DIAPH3: variants seen among roughly 807,000 people sequenced by gnomAD.
DIAPH3 encodes diaphanous related formin 3, also known as protein diaphanous homolog 3.
In DIAPH3, 117 loss-of-function variants were observed where a neutral mutation model predicts 144.3. That is an observed-to-expected ratio of 0.81 (90% CI 0.70 to 0.95). The LOEUF is 0.95. Ranked by LOEUF, DIAPH3 falls within the 40% of genes least tolerant of loss-of-function variation. DIAPH3 has a pLI of 0.00. For synonymous variants in DIAPH3, 519 were observed against 488.9 expected, an observed-to-expected ratio of 1.06 and a Z score of -0.81; for missense variants, 1,421 against 1,412.7, an observed-to-expected ratio of 1.01 and a Z score of -0.09.
intron 1 of DIAPH3, among the ~76,000 whole-genome samples, chr13:60,135,300 A>T (rs1270546212): frequency 6.7e-6 from 1 of 149,678 alleles, no homozygotes; most frequent in African/African-American, 2.5e-5. Flanking sequence ...CATTGAGGGT[A>T]TAGCTTTTTA....
intron 2 of DIAPH3, among the ~76,000 whole-genome samples, chr13:60,130,421 C>G (rs2059109464): frequency 6.6e-6 from 1 of 152,142 alleles, no homozygotes; most frequent in Non-Finnish European, 1.5e-5. Context: ...TGAAGAGGGT[C>G]AATGAGGAAT....
At chr13:60,088,624 T>C (rs1397326779) in intron 4 of DIAPH3, among the ~76,000 whole-genome samples, 1 of 152,162 alleles carries the variant, frequency 6.6e-6, no homozygotes, top group Non-Finnish European at 1.5e-5. Flanking sequence ...ATGTTTATTT[T>C]TGAGGGGCGG....
intron 17 of DIAPH3, among the ~76,000 whole-genome samples, chr13:59,925,601 AT>A (rs2047715741): frequency 6.6e-6 from 1 of 152,084 alleles, no homozygotes; most frequent in Non-Finnish European, 1.5e-5. Context: ...TCCTCTTCAT[AT>A]TTTTGGAATA....
At chr13:59,936,902 G>A (rs548200458) in intron 17 of DIAPH3, among the ~76,000 whole-genome samples, 27 of 152,152 alleles carry the variant, frequency 1.8e-4, no homozygotes, top group African/African-American at 4.8e-4. Context: ...GGTGGCTCAC[G>A]CCTATAATCC....
intron 4 of DIAPH3, among the ~76,000 whole-genome samples, chr13:60,068,503 C>G (rs1271462383): frequency 1.3e-5 from 2 of 151,280 alleles, no homozygotes; most frequent in Non-Finnish European, 2.9e-5. Context: ...TTTTTTTATT[C>G]CAACATTTAT....
chr13:60,095,255 TAGAA>T, intron 3 of DIAPH3, among the ~76,000 whole-genome samples: 2 of 152,308 alleles, frequency 1.3e-5, no homozygotes, highest in African/African-American at 4.8e-5. Flanking sequence ...GGCTTCATCA[TAGAA>T]AGAATTCAAA....
Position 59,769,621 on chromosome 13 carries a change from T to C in DIAPH3, c.3319+4568A>G, listed in dbSNP as rs886355406. Among the ~76,000 whole-genome samples the C allele has an allele frequency of 2.0e-5, 3 of 152,100 alleles. No homozygotes were observed. In the East Asian group the frequency reaches 5.8e-4, roughly 29 times the overall value. ...ATAGCAGCCGATTCATACTGGCATA[T>C]AGGTTGCCATGAAGTCCTTTCAATC... On this transcript the variant is annotated intron_variant, in intron 27 of 27. Transcript: ENST00000400324.
At chr13:60,145,127 G>A (rs927696732) in intron 1 of DIAPH3, among the ~76,000 whole-genome samples, 13 of 152,160 alleles carry the variant, frequency 8.5e-5, no homozygotes, top group Non-Finnish European at 1.8e-4. Context: ...GAACAGCACA[G>A]AAGTGACTTA....
intron 25 of DIAPH3, among the ~76,000 whole-genome samples, chr13:59,794,802 C>T (rs1041176553): frequency 1.3e-5 from 2 of 152,192 alleles, no homozygotes; most frequent in Non-Finnish European, 2.9e-5. Context: ...AGCTACCATG[C>T]CCAGCCTAGT....
intron 4 of DIAPH3, among the ~76,000 whole-genome samples, chr13:60,045,298 C>A (rs1257358808): frequency 1.3e-5 from 2 of 151,802 alleles, no homozygotes; most frequent in Admixed American, 6.6e-5. Context: ...AGAGATCATG[C>A]CATTTTACTC....
Position 59,974,394 on chromosome 13 carries a change from CT to C in DIAPH3, c.1607del (p.Lys536ArgfsTer99). ...TQAELQKKEAKINELQAELQA... is the reference protein window; with the variant it reads ...TQAELQKKEAXINELQAELQA... ...GTAGCTCTGCTTGAAGCTCATTAAT[CT>C]TTGCCTCTTTTTTCTGCAATTCAGC... On this transcript the variant is annotated frameshift_variant, in exon 15 of 28. Transcript: ENST00000400324. LOFTEE classifies it high-confidence loss of function. 3 of 1,612,156 alleles carry C rather than the reference CT, an allele frequency of 1.9e-6. No individual in the cohort carries two copies. Among genetic ancestry groups the C allele is most frequent in the Non-Finnish European group, 2.5e-6 (3 of 1,179,472 alleles).
intron 12 of DIAPH3, among the ~76,000 whole-genome samples, chr13:59,988,183 T>A (rs2051554144): frequency 6.6e-6 from 1 of 151,828 alleles, no homozygotes; most frequent in South Asian, 2.1e-4. Flanking sequence ...AAGAAACGGT[T>A]CCTGGGTACA....
At chr13:60,033,378 A>T (rs1313639295) in intron 5 of DIAPH3, among the ~76,000 whole-genome samples, 1 of 151,614 alleles carries the variant, frequency 6.6e-6, no homozygotes, top group East Asian at 1.9e-4. Flanking sequence ...GCATTTCTAT[A>T]AAAAAAAATC....
intron 27 of DIAPH3, among the ~76,000 whole-genome samples, chr13:59,692,379 A>T (rs2033575206): frequency 6.6e-6 from 1 of 151,400 alleles, no homozygotes; most frequent in Admixed American, 6.6e-5. Context: ...GACCTTTTAC[A>T]TCCCCCTACT....
At chr13:59,916,784 C>T (rs1460513046) in intron 18 of DIAPH3, among the ~76,000 whole-genome samples, 1 of 152,054 alleles carries the variant, frequency 6.6e-6, no homozygotes, top group Non-Finnish European at 1.5e-5. Flanking sequence ...AAACAGTATG[C>T]TAGGGAAACC....
chr13:59,993,860 C>T (rs1293078297), intron 9 of DIAPH3, among the ~76,000 whole-genome samples: 2 of 151,720 alleles, frequency 1.3e-5, no homozygotes, highest in Non-Finnish European at 2.9e-5. Flanking sequence ...TTCAGCAATG[C>T]CATATAATTT....
chr13:59,804,585 A>AGTT lies in DIAPH3; in HGVS notation c.3163+6200_3163+6202dup, dbSNP rs372165377. Among the ~76,000 whole-genome samples, 1,436 of 152,080 alleles carry AGTT rather than the reference A, an allele frequency of 9.4e-3. 14 individuals are homozygous for AGTT. Among genetic ancestry groups the AGTT allele is most frequent in the African/African-American group, 0.029 (1,194 of 41,524 alleles). On this transcript the variant is annotated intron_variant, in intron 25 of 27. Transcript: ENST00000400324. Reference sequence around the variant, plus strand: ...AATAAATGCCAGCAGTAGTAGTAGCAGTTGTTGTTGTTGTTGTTGTTGTTA... The same window carrying AGTT: ...AATAAATGCCAGCAGTAGTAGTAGCAGTTGTTGTTGTTGTTGTTGTTGTTGTTA...
At chr13:59,953,115 G>C (rs568176702) in intron 17 of DIAPH3, among the ~76,000 whole-genome samples, 1 of 152,110 alleles carries the variant, frequency 6.6e-6, no homozygotes, top group Non-Finnish European at 1.5e-5. Context: ...TGGGAGTTGA[G>C]CATGGGAACC....
chr13:59,957,924 C>G (rs967630492), intron 17 of DIAPH3, among the ~76,000 whole-genome samples: 1 of 151,910 alleles, frequency 6.6e-6, no homozygotes, highest in African/African-American at 2.4e-5. Context: ...CCTGTGAAAC[C>G]CTGAAAAATA....
Sources: allele counts gnomAD v4.1 joint callset (sites outside exome capture counted in the v4.1 genomes callset), GRCh38; gene constraint gnomAD v4.1.1; transcripts MANE v1.5; gene names NCBI Gene and HGNC (gene_info 2026-07-23, HGNC 2026-07-21).